The following ZDHHC14 variants were observed in gnomAD, a reference collection of about 807,000 sequenced individuals.
ZDHHC14 encodes palmitoyltransferase ZDHHC14.
A neutral mutation model predicts 47.7 loss-of-function variants in ZDHHC14; 16 were observed. That is an observed-to-expected ratio of 0.34 (90% confidence interval 0.23 to 0.51). The LOEUF is 0.51. Among genes scored for constraint, ZDHHC14 ranks in the 20% least tolerant of loss-of-function variants. The pLI is 0.97. For synonymous variants in ZDHHC14, 293 were observed against 278.9 expected (o/e 1.05, Z -0.50); for missense variants, 515 against 662.5 (o/e 0.78, Z 2.44).
Position 157,381,576 on chromosome 6 carries a change from C to T in ZDHHC14, c.-446C>T, listed in dbSNP as rs762508861. ...CCGCAGAAGTGGCTCCCGAGGAAGCCGGCGCCGGGGCCGCCGCCTCGTGTC... is the reference window on the plus strand; with the variant it reads ...CCGCAGAAGTGGCTCCCGAGGAAGCTGGCGCCGGGGCCGCCGCCTCGTGTC... On this transcript the variant is annotated 5_prime_UTR_variant, in exon 1 of 9. Transcript: ENST00000359775. 6 of 395,120 alleles carry T rather than the reference C, an allele frequency of 1.5e-5. No homozygotes were observed. Among genetic ancestry groups the T allele is most frequent in the South Asian group, 3.4e-5 (2 of 59,204 alleles). The allele number at this position is 395,120 out of a possible 1,614,324, so 24.5% of individuals were successfully genotyped here.
chr6:157,492,014 C>T (rs1003424784), intron 1 of ZDHHC14, among the ~76,000 whole-genome samples: 8 of 152,254 alleles, frequency 5.3e-5, no homozygotes, highest in Non-Finnish European at 1.0e-4. Flanking sequence ...CCGGGGCTCC[C>T]CGCCAGAACA....
At chr6:157,637,543 G>A (rs1261911357) in intron 5 of ZDHHC14, among the ~76,000 whole-genome samples, 3 of 152,168 alleles carry the variant, frequency 2.0e-5, no homozygotes, top group Non-Finnish European at 2.9e-5. Flanking sequence ...AGCTGCCCAC[G>A]CTTTGTCCTC....
intron 3 of ZDHHC14, among the ~76,000 whole-genome samples, chr6:157,620,064 C>T (rs904059061): frequency 2.0e-5 from 3 of 152,216 alleles, no homozygotes; most frequent in African/African-American, 7.2e-5. Context: ...CATTGCTTTA[C>T]CCAAGAGAAC....
Position 157,556,240 on chromosome 6 carries a change from A to G in ZDHHC14, c.406+13495A>G, listed in dbSNP as rs1026840628. Reference sequence around the variant, plus strand: ...GCAGGCAGGAAAGCAGAGCCAGCAGAGAGGACAGGGGTGGGGGGTGGAGGG... The same window carrying G: ...GCAGGCAGGAAAGCAGAGCCAGCAGGGAGGACAGGGGTGGGGGGTGGAGGG... On this transcript the variant is annotated intron_variant, in intron 2 of 8. Coordinates refer to ENST00000359775, the MANE Select transcript of ZDHHC14 (RefSeq NM_024630.3). 2.5e-5 allele frequency among the ~76,000 whole-genome samples: 3 copies of G among 118,586 alleles called. No individual in the cohort carries two copies. The South Asian group carries it at 8.8e-4, about 35-fold the overall frequency. The allele number at this position is 118,586 out of a possible 152,430, so 77.8% of individuals were successfully genotyped here. A position where few individuals can be genotyped will look rare whatever the true frequency, so the allele number is the denominator to read the frequency against.
At chr6:157,474,375 T>C (rs958025840) in intron 1 of ZDHHC14, among the ~76,000 whole-genome samples, 49 of 152,332 alleles carry the variant, frequency 3.2e-4, no homozygotes, top group African/African-American at 1.1e-3. Context: ...GCAATGAATA[T>C]GGGAGTGCAC....
Position 157,502,173 on chromosome 6 carries a change from C to T in ZDHHC14, c.246-40412C>T, listed in dbSNP as rs1780207782. On this transcript the variant is annotated intron_variant, in intron 1 of 8. Transcript: ENST00000359775. The surrounding 1 kb of genome is among the most constrained non-coding windows in gnomAD (Gnocchi z 4.0). ...GAGTAACCAGCAGGACCAGTGGTCACATCTGGTGGAAAGGAGGCTGCAAAG... is the reference window on the plus strand; with the variant it reads ...GAGTAACCAGCAGGACCAGTGGTCATATCTGGTGGAAAGGAGGCTGCAAAG... Among the ~76,000 whole-genome samples, 1 of 152,224 alleles carries T rather than the reference C, an allele frequency of 6.6e-6. No individual in the cohort carries two copies. The highest frequency in any genetic ancestry group is 2.1e-4 in the South Asian group (1 of 4,834).
At chr6:157,426,857 G>T (rs1778232468) in intron 1 of ZDHHC14, among the ~76,000 whole-genome samples, 1 of 152,242 alleles carries the variant, frequency 6.6e-6, no homozygotes, top group Admixed American at 6.5e-5. Flanking sequence ...ACCTCCATAA[G>T]AGCGTTTTCC....
rs375405884 is a variant in ZDHHC14 at position 157,569,874 on chromosome 6, T to C, written c.407-23114T>C. Among the ~76,000 whole-genome samples, 34 of 152,330 alleles carry C rather than the reference T, an allele frequency of 2.2e-4. No homozygotes were observed. The South Asian group carries it at 6.8e-3, about 31-fold the overall frequency. On this transcript the variant is annotated intron_variant, in intron 2 of 8. Transcript: ENST00000359775. ...CATTGTCTTCTTTGTAGTTTCCAACTGTTTGTGTCATTAAATATATAAAAA... is the reference window on the plus strand; with the variant it reads ...CATTGTCTTCTTTGTAGTTTCCAACCGTTTGTGTCATTAAATATATAAAAA...
At chr6:157,480,274 CTT>C (rs368547618) in intron 1 of ZDHHC14, among the ~76,000 whole-genome samples, 2 of 99,824 alleles carry the variant, frequency 2.0e-5, no homozygotes, top group African/African-American at 3.7e-5. Flanking sequence ...TTTTTTTTTG[CTT>C]TTTTTTTTTT....
At chr6:157,607,791 T>A (rs1784597978) in intron 3 of ZDHHC14, among the ~76,000 whole-genome samples, 1 of 152,152 alleles carries the variant, frequency 6.6e-6, no homozygotes, top group Non-Finnish European at 1.5e-5. Context: ...TTAAAGAGAT[T>A]AAAACCTGTT....
intron 1 of ZDHHC14, among the ~76,000 whole-genome samples, chr6:157,536,870 G>A (rs1331834502): frequency 1.5e-4 from 7 of 47,908 alleles, no homozygotes; most frequent in Admixed American, 5.2e-4. Context: ...CCAGGCTGGA[G>A]TGCAGTGGCG....
At chr6:157,530,603 C>A (rs186123038) in intron 1 of ZDHHC14, among the ~76,000 whole-genome samples, 40 of 152,288 alleles carry the variant, frequency 2.6e-4, no homozygotes, top group Admixed American at 2.1e-3. Context: ...AAGCTGTTAA[C>A]CTTGTTTTAT....
intron 3 of ZDHHC14, among the ~76,000 whole-genome samples, chr6:157,618,240 T>C (rs1785043343): frequency 6.6e-6 from 1 of 152,008 alleles, no homozygotes; most frequent in South Asian, 2.1e-4. Context: ...TCTCAGAGTT[T>C]CACAAACGAC....
intron 1 of ZDHHC14, among the ~76,000 whole-genome samples, chr6:157,413,195 GC>G (rs1777906172): frequency 6.6e-6 from 1 of 152,166 alleles, no homozygotes; most frequent in Non-Finnish European, 1.5e-5. Flanking sequence ...GTGATGTGAG[GC>G]CCTGCAGGGG....
Position 157,673,325 on chromosome 6 carries a change from C to A in ZDHHC14, c.*203C>A. ...AGCTTGGTTTCATTTGAATTTTCTT[C>A]CCCAACCTGAGTGCTTTGACAACAA... is the stretch of plus-strand genomic sequence containing the variant. On this transcript the variant is annotated 3_prime_UTR_variant, in exon 9 of 9. Coordinates refer to ENST00000359775, the MANE Select transcript of ZDHHC14 (RefSeq NM_024630.3). The surrounding 1 kb of genome is among the most constrained non-coding windows in gnomAD (Gnocchi z 5.4). 1 of 640,220 alleles carries A rather than the reference C, an allele frequency of 1.6e-6. No individual in the cohort carries two copies. The highest frequency in any genetic ancestry group is 2.5e-6 in the Non-Finnish European group (1 of 403,810). The allele number at this position is 640,220 out of a possible 1,614,324, so 39.7% of individuals were successfully genotyped here. A position where few individuals can be genotyped will look rare whatever the true frequency, so the allele number is the denominator to read the frequency against.
At chr6:157,668,147 C>G (rs117852100) in intron 8 of ZDHHC14, among the ~76,000 whole-genome samples, 19 of 152,116 alleles carry the variant, frequency 1.2e-4, no homozygotes, top group African/African-American at 4.3e-4. Flanking sequence ...TGCCAGTGCC[C>G]CTGCCCCCTG....
chr6:157,599,726 A>G (rs1160936444), intron 3 of ZDHHC14, among the ~76,000 whole-genome samples: 2 of 152,264 alleles, frequency 1.3e-5, no homozygotes, highest in African/African-American at 4.8e-5. Flanking sequence ...AAGGGAAACC[A>G]TAAGAAAACA....
At chr6:157,633,932 C>T (rs998003163) in intron 5 of ZDHHC14, among the ~76,000 whole-genome samples, 2 of 152,176 alleles carry the variant, frequency 1.3e-5, no homozygotes, top group African/African-American at 4.8e-5. Flanking sequence ...GGATTACAGG[C>T]ATCAGCCACC....
chr6:157,609,310 G>A (rs1347485806), intron 3 of ZDHHC14, among the ~76,000 whole-genome samples: 1 of 152,212 alleles, frequency 6.6e-6, no homozygotes, highest in Non-Finnish European at 1.5e-5. Context: ...TAGCAGCAAT[G>A]GCACTGGACA....
Sources: allele counts gnomAD v4.1 joint callset (sites outside exome capture counted in the v4.1 genomes callset), GRCh38; gene constraint gnomAD v4.1.1; non-coding constraint Gnocchi (gnomAD v3.1); transcripts MANE v1.5; gene names NCBI Gene and HGNC (gene_info 2026-07-23, HGNC 2026-07-21).